MAGI1: variants seen among roughly 807,000 people sequenced by gnomAD.
MAGI1 encodes the protein membrane-associated guanylate kinase, WW and PDZ domain-containing protein 1.
In MAGI1, 58 loss-of-function variants were observed where a neutral mutation model predicts 139.9. The observed-to-expected ratio is 0.41, with a 90% CI of 0.34 to 0.52. The LOEUF is 0.52. Among genes scored for constraint, MAGI1 ranks in the 20% least tolerant of loss-of-function variants. The probability of loss-of-function intolerance (pLI) is 0.12; values close to 1 mark genes in which losing one functional copy is unlikely to be tolerated. For synonymous variants in MAGI1, 812 were observed against 737.9 expected (o/e 1.10, Z -1.63); for missense variants, 1,874 against 1,901.6 (o/e 0.99, Z 0.27).
chr3:65,718,434 C>T (rs1322676005), intron 1 of MAGI1: 1 of 152,102 alleles, frequency 6.6e-6, no homozygotes, highest in African/African-American at 2.4e-5. Flanking sequence ...CAGAAATGAC[C>T]TCGTGCCCCA....
intron 1 of MAGI1, among the ~76,000 whole-genome samples, chr3:65,692,448 G>T (rs1365636365): frequency 6.6e-6 from 1 of 152,086 alleles, no homozygotes; most frequent in Admixed American, 6.6e-5. Flanking sequence ...TGAAGTCCTA[G>T]CCCTGAGTCC....
chr3:65,711,027 T>C (rs2031327094), intron 1 of MAGI1, among the ~76,000 whole-genome samples: 1 of 152,224 alleles, frequency 6.6e-6, no homozygotes, highest in Non-Finnish European at 1.5e-5. Flanking sequence ...TCATAGCCTC[T>C]ATGAAGACAA....
intron 1 of MAGI1, among the ~76,000 whole-genome samples, chr3:65,888,621 A>AAC (rs1319169668): frequency 1.3e-5 from 2 of 152,228 alleles, no homozygotes; most frequent in African/African-American, 4.8e-5. Flanking sequence ...ACAAGTCTTA[A>AAC]ACACACACAT....
At chr3:65,856,100 G>C (rs1204400691) in intron 1 of MAGI1, among the ~76,000 whole-genome samples, 2 of 152,076 alleles carry the variant, frequency 1.3e-5, no homozygotes, top group Non-Finnish European at 1.5e-5. Context: ...GGCAACTGAG[G>C]GACTGGGTGG....
chr3:65,865,470 C>A (rs1467799112), intron 1 of MAGI1, among the ~76,000 whole-genome samples: 1 of 152,170 alleles, frequency 6.6e-6, no homozygotes. Flanking sequence ...GTGGCACACA[C>A]CTGTACTCCC....
chr3:65,551,376 C>T (rs2079823209), intron 2 of MAGI1, among the ~76,000 whole-genome samples: 1 of 152,214 alleles, frequency 6.6e-6, no homozygotes, highest in South Asian at 2.1e-4. Context: ...TCTTGGCTCA[C>T]TGTAGCCTCT....
At chr3:66,014,120 G>A (rs1038080531) in intron 1 of MAGI1, among the ~76,000 whole-genome samples, 2 of 152,088 alleles carry the variant, frequency 1.3e-5, no homozygotes, top group Non-Finnish European at 2.9e-5. Flanking sequence ...CCAATCCTCA[G>A]AGGAAGGTAG....
intron 2 of MAGI1, 100 bp from the exon 3 acceptor site, chr3:65,493,731 G>T: frequency 1.4e-6 from 2 of 1,385,164 alleles, no homozygotes; most frequent in Non-Finnish European, 2.0e-6. Context: ...GTAAGAGGGC[G>T]TACCTAAGAC....
chr3:65,469,031 C>T (rs926630195), intron 5 of MAGI1, among the ~76,000 whole-genome samples: 25 of 151,428 alleles, frequency 1.7e-4, no homozygotes, highest in East Asian at 3.9e-4. Flanking sequence ...AAATTCACAA[C>T]GCATATCAAT....
intron 1 of MAGI1, among the ~76,000 whole-genome samples, chr3:65,657,876 T>G (rs758619125): frequency 8.5e-5 from 13 of 152,168 alleles, no homozygotes; most frequent in African/African-American, 1.9e-4. Flanking sequence ...GGAAGGTCAC[T>G]TACATTATAG....
intron 6 of MAGI1, 103 bp from the exon 7 acceptor site, chr3:65,448,160 C>T (rs1948789932): frequency 1.6e-5 from 16 of 1,013,428 alleles, no homozygotes; most frequent in Non-Finnish European, 2.4e-5. Context: ...GCAGCAAACA[C>T]ATCACTCTAG....
At chr3:65,788,398 A>G (rs774147374) in intron 1 of MAGI1, among the ~76,000 whole-genome samples, 27 of 152,216 alleles carry the variant, frequency 1.8e-4, no homozygotes, top group Non-Finnish European at 3.1e-4. Flanking sequence ...TGCCACCATA[A>G]CAGCTGCTTC....
intron 1 of MAGI1, among the ~76,000 whole-genome samples, chr3:65,625,789 T>C (rs1019519305): frequency 2.0e-5 from 3 of 152,210 alleles, no homozygotes; most frequent in Non-Finnish European, 4.4e-5. Context: ...AAACAAAATA[T>C]AGACCTAAGG....
intron 1 of MAGI1, among the ~76,000 whole-genome samples, chr3:65,680,798 A>ATATGATATGATAT (rs528938659): frequency 2.4e-4 from 19 of 80,788 alleles, no homozygotes; most frequent in African/African-American, 1.4e-3. Flanking sequence ...GATATGATAT[A>ATATGATATGATAT]CTTTAATAAT....
chr3:65,678,576 G>T (rs934579945), intron 1 of MAGI1, among the ~76,000 whole-genome samples: 1 of 152,046 alleles, frequency 6.6e-6, no homozygotes, highest in African/African-American at 2.4e-5. Flanking sequence ...CAGGGAATAG[G>T]TAACTGGCAC....
intron 1 of MAGI1, among the ~76,000 whole-genome samples, chr3:65,909,681 G>A (rs1423763484): frequency 6.6e-6 from 1 of 152,164 alleles, no homozygotes; most frequent in Non-Finnish European, 1.5e-5. Context: ...GAGTGACAGA[G>A]TGAGACCCTG....
At chr3:65,710,392 T>C (rs968850288) in intron 1 of MAGI1, among the ~76,000 whole-genome samples, 1 of 146,736 alleles carries the variant, frequency 6.8e-6, no homozygotes, top group Admixed American at 7.0e-5. Flanking sequence ...GCAATTCTCC[T>C]GCCTCAGCCT....
At chr3:65,492,133 A>C (rs921847662) in intron 3 of MAGI1, among the ~76,000 whole-genome samples, 1 of 152,218 alleles carries the variant, frequency 6.6e-6, no homozygotes, top group African/African-American at 2.4e-5. Flanking sequence ...ATGCCTAATA[A>C]ATCCAAATTT....
chr3:65,764,204 T>C (rs548458925), intron 1 of MAGI1, among the ~76,000 whole-genome samples: 33 of 152,136 alleles, frequency 2.2e-4, no homozygotes, highest in African/African-American at 7.7e-4. Flanking sequence ...AATAAAAATT[T>C]CTAGTTCCAC....
Sources: allele counts gnomAD v4.1 joint callset (sites outside exome capture counted in the v4.1 genomes callset), GRCh38; gene constraint gnomAD v4.1.1; transcripts MANE v1.5; gene names NCBI Gene and HGNC (gene_info 2026-07-23, HGNC 2026-07-21).